The following STK24 variants were observed in gnomAD, a reference collection of about 807,000 sequenced individuals.
STK24 encodes serine/threonine-protein kinase 24.
In STK24, 21 loss-of-function variants were observed where a neutral mutation model predicts 55.6. The ratio of observed to expected loss-of-function variants is 0.38; its 90% confidence interval spans 0.27 to 0.54. The LOEUF is 0.54. Ranked by LOEUF, STK24 falls within the 20% of genes least tolerant of loss-of-function variation. The pLI is 0.79. For missense variants in STK24, 383 were observed against 538.4 expected, an observed-to-expected ratio of 0.71 and a Z score of 2.86; for synonymous variants, 200 against 215.2, an observed-to-expected ratio of 0.93 and a Z score of 0.62.
intron 1 of STK24, among the ~76,000 whole-genome samples, chr13:98,574,576 T>C (rs1897831361): frequency 6.6e-6 from 1 of 152,178 alleles, no homozygotes; most frequent in South Asian, 2.1e-4. Context: ...CTTCCCCAAA[T>C]GATACACTGT....
intron 1 of STK24, among the ~76,000 whole-genome samples, chr13:98,537,180 T>A (rs979822725): frequency 4.6e-5 from 7 of 152,238 alleles, no homozygotes; most frequent in African/African-American, 1.4e-4. Flanking sequence ...GCAGGCTACC[T>A]GTGCAGTGCC....
chr13:98,501,504 C>G (rs1895461906), intron 2 of STK24, among the ~76,000 whole-genome samples: 1 of 152,170 alleles, frequency 6.6e-6, no homozygotes, highest in Admixed American at 6.5e-5. Context: ...CCCCAGCCCC[C>G]CCAGTTTAAG....
At chr13:98,498,276 C>T (rs1200242261) in intron 2 of STK24, among the ~76,000 whole-genome samples, 1 of 152,204 alleles carries the variant, frequency 6.6e-6, no homozygotes, top group African/African-American at 2.4e-5. Flanking sequence ...GTTGGTTGCT[C>T]CTAATGTCAC....
chr13:98,469,140 C>T (rs55638511), intron 5 of STK24, among the ~76,000 whole-genome samples: 4,794 of 152,316 alleles, frequency 0.031, 236 homozygotes, highest in African/African-American at 0.11. Context: ...TGCTTCTGCA[C>T]GCAGTGTGCA....
Position 98,450,342 on chromosome 13 carries a change from A to ATGTT in STK24, c.*2827_*2830dup, listed in dbSNP as rs112214280. 6.6e-5 allele frequency: 10 copies of ATGTT among 152,372 alleles called. No individual in the cohort carries two copies. The highest frequency in any genetic ancestry group is 1.9e-4 in the African/African-American group (8 of 41,586). The allele number at this position is 152,372 out of a possible 1,614,324, so 9.4% of individuals were successfully genotyped here. ...TTTTTAAAGGAGGGAAATATAAAAA[A>ATGTT]TGTTTATAAACTGACAGTGTTTTGC... On this transcript the variant is annotated 3_prime_UTR_variant, in exon 11 of 11. Transcript: ENST00000539966.
intron 1 of STK24, among the ~76,000 whole-genome samples, chr13:98,555,251 G>A (rs929234537): frequency 1.3e-5 from 2 of 151,968 alleles, no homozygotes; most frequent in African/African-American, 2.4e-5. Context: ...TGCCTTCCAG[G>A]CAGCACACAC....
intron 1 of STK24, among the ~76,000 whole-genome samples, chr13:98,566,559 A>G (rs1897577276): frequency 6.6e-6 from 1 of 152,228 alleles, no homozygotes; most frequent in African/African-American, 2.4e-5. Flanking sequence ...AGAGACCCTG[A>G]GGGTTCACCA....
At chr13:98,517,400 T>C (rs868587998) in intron 2 of STK24, among the ~76,000 whole-genome samples, 1 of 152,072 alleles carries the variant, frequency 6.6e-6, no homozygotes, top group Non-Finnish European at 1.5e-5. Flanking sequence ...CTGAGGCAGG[T>C]GGATCACCTG....
intron 1 of STK24, among the ~76,000 whole-genome samples, chr13:98,561,977 C>CAAA (rs10564690): frequency 2.6e-3 from 137 of 53,358 alleles, no homozygotes; most frequent in Middle Eastern, 0.024. Flanking sequence ...GACTCCGTCT[C>CAAA]AAAAAAAAAA....
chr13:98,531,240 G>A (rs1313393627), intron 1 of STK24, among the ~76,000 whole-genome samples: 2 of 151,966 alleles, frequency 1.3e-5, no homozygotes, highest in Admixed American at 6.6e-5. Flanking sequence ...TTTCCAATAC[G>A]CCCTCCCAAA....
chr13:98,535,910 C>A (rs1360759885), intron 1 of STK24, among the ~76,000 whole-genome samples: 1 of 152,202 alleles, frequency 6.6e-6, no homozygotes, highest in Non-Finnish European at 1.5e-5. Flanking sequence ...GGTGAACTCA[C>A]CTTCCTGTAT....
intron 1 of STK24, among the ~76,000 whole-genome samples, chr13:98,535,406 C>CACACA: frequency 4.6e-5 from 1 of 21,744 alleles, no homozygotes; most frequent in African/African-American, 9.2e-5. Flanking sequence ...TATACACACA[C>CACACA]ACACACACAC....
At chr13:98,482,531 T>C (rs1894632707) in intron 2 of STK24, among the ~76,000 whole-genome samples, 1 of 152,080 alleles carries the variant, frequency 6.6e-6, no homozygotes, top group Non-Finnish European at 1.5e-5. Context: ...AGCTGTGGGG[T>C]GTGCTCGGGG....
chr13:98,550,446 C>T (rs918210308), intron 1 of STK24, among the ~76,000 whole-genome samples: 1 of 152,138 alleles, frequency 6.6e-6, no homozygotes, highest in South Asian at 2.1e-4. Context: ...GGAGGATCGC[C>T]TGCGCCTGGG....
At chr13:98,568,095 G>A (rs1897636489) in intron 1 of STK24, among the ~76,000 whole-genome samples, 1 of 151,912 alleles carries the variant, frequency 6.6e-6, no homozygotes, top group South Asian at 2.1e-4. Flanking sequence ...CGTCTCCTGG[G>A]TTCAAGCAAT....
chr13:98,479,738 G>A (rs1437231084), intron 3 of STK24, among the ~76,000 whole-genome samples: 2 of 152,154 alleles, frequency 1.3e-5, no homozygotes, highest in East Asian at 1.9e-4. Flanking sequence ...CTTGCACCTC[G>A]AGGGGGCCCG....
rs1369487022 is a variant in STK24 at position 98,448,389 on chromosome 13, C to G, written c.*4784G>C. The G allele has an allele frequency of 5.7e-6, 7 of 1,221,130 alleles. No individual in the cohort carries two copies. Among genetic ancestry groups the G allele is most frequent in the Non-Finnish European group, 8.5e-6 (7 of 824,974 alleles). The allele number at this position is 1,221,130 out of a possible 1,614,324, so 75.6% of individuals were successfully genotyped here. ...TTTCCTTTCTTCTGTATTAATGAAG[C>G]CTGGTAAAATTAACACCTGTCTGAA... is the stretch of plus-strand genomic sequence containing the variant. On this transcript the variant is annotated 3_prime_UTR_variant, in exon 11 of 11. Coordinates refer to ENST00000539966, the MANE Select transcript of STK24 (RefSeq NM_001032296.4).
intron 1 of STK24, among the ~76,000 whole-genome samples, chr13:98,559,596 C>T (rs1897364893): frequency 6.6e-6 from 1 of 152,110 alleles, no homozygotes; most frequent in Non-Finnish European, 1.5e-5. Flanking sequence ...GATTAAATGG[C>T]CACAAAGTCT....
rs1468669479 is a variant in STK24, at chr13:98,446,721, C to T, written c.*6452G>A. 2 of 1,614,096 alleles carry T rather than the reference C, an allele frequency of 1.2e-6. No individual in the cohort carries two copies. The highest frequency in any genetic ancestry group is 2.7e-5 in the African/African-American group (2 of 74,944). On this transcript the variant is annotated 3_prime_UTR_variant, in exon 11 of 11. Coordinates refer to ENST00000539966, the MANE Select transcript of STK24 (RefSeq NM_001032296.4). ...CTCGGCTACTCGCTCACCATCCCCT[C>T]TGAGTCCGAGAACATCCAGAAAGAC...
Sources: gnomAD v4.1 joint callset for allele counts (sites outside exome capture counted in the v4.1 genomes callset) on GRCh38, gnomAD v4.1.1 for gene constraint, MANE v1.5 for transcripts, NCBI Gene and HGNC (gene_info 2026-07-23, HGNC 2026-07-21) for gene names.